The following SUMF1 variants were observed in gnomAD, a reference collection of about 807,000 sequenced individuals.
SUMF1 encodes the protein sulfatase modifying factor 1.
A neutral mutation model predicts 47.6 loss-of-function variants in SUMF1; 48 were observed. The observed-to-expected ratio is 1.01, with a 90% confidence interval of 0.80 to 1.28. SUMF1 has a LOEUF of 1.28. Ranked by LOEUF, SUMF1 falls within the 50% of genes most tolerant of loss-of-function variation. SUMF1 has a pLI of 0.00. For missense variants in SUMF1, 571 were observed against 485.4 expected, an observed-to-expected ratio of 1.18 and a Z score of -1.66; for synonymous variants, 230 against 192.1, an observed-to-expected ratio of 1.20 and a Z score of -1.63.
chr3:4,202,624 T>G (rs965051223), intron 8 of SUMF1, among the ~76,000 whole-genome samples: 1 of 152,042 alleles, frequency 6.6e-6, no homozygotes, highest in Non-Finnish European at 1.5e-5. Flanking sequence ...TTATGATTAT[T>G]TTTTCTATTT....
intron 8 of SUMF1, among the ~76,000 whole-genome samples, chr3:4,186,244 G>T (rs979097072): frequency 2.6e-5 from 4 of 152,146 alleles, no homozygotes; most frequent in African/African-American, 9.7e-5. Flanking sequence ...TCCACAAGAA[G>T]AGAATCAGAA....
chr3:4,087,715 A>C (rs1052065926), intron 8 of SUMF1, among the ~76,000 whole-genome samples: 1 of 151,954 alleles, frequency 6.6e-6, no homozygotes, highest in Non-Finnish European at 1.5e-5. Flanking sequence ...TTGAAAGGAA[A>C]CTGGAAAAAA....
At chr3:4,199,046 G>T (rs1264161987) in intron 8 of SUMF1, among the ~76,000 whole-genome samples, 1 of 151,776 alleles carries the variant, frequency 6.6e-6, no homozygotes, top group Non-Finnish European at 1.5e-5. Flanking sequence ...GAAGTTTACA[G>T]ATCAAATGAG....
At chr3:4,100,045 CAATTTAATAATATGAATT>C (rs1447765712) in intron 8 of SUMF1, among the ~76,000 whole-genome samples, 2 of 150,688 alleles carry the variant, frequency 1.3e-5, no homozygotes, top group African/African-American at 2.4e-5. Flanking sequence ...CAATCCAATT[CAATTTAATAATATGAATT>C]CTTCCAATCC....
chr3:4,310,598 A>C (rs1462468974), intron 8 of SUMF1, among the ~76,000 whole-genome samples: 1 of 152,224 alleles, frequency 6.6e-6, no homozygotes, highest in African/African-American at 2.4e-5. Flanking sequence ...ACTGTCTATA[A>C]GTCCCTGAAG....
chr3:4,351,764 A>G (rs1048041994), intron 8 of SUMF1, among the ~76,000 whole-genome samples: 7 of 152,212 alleles, frequency 4.6e-5, no homozygotes, highest in African/African-American at 1.7e-4. Context: ...CTTCATTACC[A>G]CATTGAGAAT....
At chr3:4,381,951 C>A (rs1289353629) in intron 7 of SUMF1, among the ~76,000 whole-genome samples, 1 of 152,128 alleles carries the variant, frequency 6.6e-6, no homozygotes, top group Non-Finnish European at 1.5e-5. Flanking sequence ...GAGGCCGAGG[C>A]AGGAGAACCA....
In SUMF1 at chr3:4,372,030, G is replaced by A. The variant is rs74722643; in HGVS notation, c.1014+4300C>T. On this transcript the variant is annotated intron_variant, in intron 8 of 8. Coordinates refer to ENST00000272902, the MANE Select transcript of SUMF1 (RefSeq NM_182760.4). ...AGAATTTACTTTAGCCAGGCAGGCC[G>A]GGCATGGTGGCTCATGTCTGTTATC... Among the ~76,000 whole-genome samples, 419 of 152,284 alleles carry A rather than the reference G, an allele frequency of 2.8e-3. 1 individual carries two copies. The highest frequency in any genetic ancestry group is 9.6e-3 in the African/African-American group (397 of 41,544).
At chr3:4,157,407 T>TTA (rs1174701850) in intron 8 of SUMF1, among the ~76,000 whole-genome samples, 1 of 151,668 alleles carries the variant, frequency 6.6e-6, no homozygotes. Context: ...GATGGAATAT[T>TTA]TATCAACATT....
chr3:4,336,008 C>T (rs1699146485), intron 8 of SUMF1, among the ~76,000 whole-genome samples: 1 of 146,060 alleles, frequency 6.8e-6, no homozygotes, highest in South Asian at 2.1e-4. Context: ...CAGTACCAGG[C>T]ATTGATAGGA....
At chr3:4,389,681 G>C (rs1203923994) in intron 7 of SUMF1, among the ~76,000 whole-genome samples, 1 of 152,028 alleles carries the variant, frequency 6.6e-6, no homozygotes, top group Admixed American at 6.6e-5. Flanking sequence ...GCTCAGACTG[G>C]GTAATTTCTT....
intron 8 of SUMF1, among the ~76,000 whole-genome samples, chr3:4,261,397 T>G (rs1303941096): frequency 6.6e-6 from 1 of 152,222 alleles, no homozygotes; most frequent in East Asian, 1.9e-4. Context: ...GAAATCGGTC[T>G]ACCTTGTTAC....
intron 4 of SUMF1, among the ~76,000 whole-genome samples, chr3:4,419,651 G>T (rs1701826533): frequency 6.6e-6 from 1 of 152,066 alleles, no homozygotes; most frequent in South Asian, 2.1e-4. Context: ...TATACCCAAG[G>T]CCTGGGCTTC....
chr3:4,380,994 G>A (rs1256648745), intron 7 of SUMF1, among the ~76,000 whole-genome samples: 1 of 152,166 alleles, frequency 6.6e-6, no homozygotes, highest in Admixed American at 6.5e-5. Flanking sequence ...GAATGAGTCT[G>A]TAAGGAAGAG....
intron 7 of SUMF1, among the ~76,000 whole-genome samples, chr3:4,380,998 G>A (rs1312187891): frequency 1.3e-5 from 2 of 152,174 alleles, no homozygotes; most frequent in Non-Finnish European, 1.5e-5. Context: ...GAGTCTGTAA[G>A]GAAGAGGGGT....
chr3:4,182,465 C>T (rs891199768), intron 8 of SUMF1, among the ~76,000 whole-genome samples: 3 of 150,572 alleles, frequency 2.0e-5, no homozygotes, highest in Non-Finnish European at 4.4e-5. Flanking sequence ...TCCCCCTTTG[C>T]CTTAAGGAAA....
chr3:4,138,779 G>C (rs1032956095), intron 8 of SUMF1, among the ~76,000 whole-genome samples: 2 of 151,946 alleles, frequency 1.3e-5, no homozygotes, highest in Non-Finnish European at 2.9e-5. Context: ...TTGTAATTAT[G>C]GTTATAGCGA....
intron 8 of SUMF1, among the ~76,000 whole-genome samples, chr3:4,254,041 C>A (rs1489894164): frequency 8.3e-4 from 125 of 150,954 alleles, no homozygotes; most frequent in Non-Finnish European, 1.2e-3. Flanking sequence ...AACAGACCTG[C>A]AGCTGAGGGT....
rs1365304614 is a variant in SUMF1 at position 4,376,410 on chromosome 3, C to G, written c.955-21G>C. On this transcript the variant is annotated intron_variant, in intron 7 of 8. Transcript: ENST00000272902. Reference sequence around the variant, plus strand: ...CCTTTCTACAGATGAAGAAAAAAGGCTATGTTAGACCAGAAGGCAAAGCTG... The same window carrying G: ...CCTTTCTACAGATGAAGAAAAAAGGGTATGTTAGACCAGAAGGCAAAGCTG... 3 of 1,613,650 alleles carry G rather than the reference C, an allele frequency of 1.9e-6. No individual in the cohort carries two copies. The African/African-American group carries it at 4.0e-5, about 22-fold the overall frequency.
Sources: gnomAD v4.1 joint callset for allele counts (sites outside exome capture counted in the v4.1 genomes callset) on GRCh38, gnomAD v4.1.1 for gene constraint, MANE v1.5 for transcripts, NCBI Gene and HGNC (gene_info 2026-07-23, HGNC 2026-07-21) for gene names.